BMPR1A: variants seen among roughly 807,000 people sequenced by gnomAD.
The protein encoded by BMPR1A is bone morphogenetic protein receptor type-1A.
In BMPR1A, 7 loss-of-function variants were observed where a neutral mutation model predicts 66.0. The observed-to-expected ratio is 0.11, with a 90% CI of 0.06 to 0.20. The LOEUF is 0.20. Ranked by LOEUF, BMPR1A falls within the 10% of genes least tolerant of loss-of-function variation. The pLI is 1.00. For missense variants in BMPR1A, 408 were observed against 669.1 expected, an observed-to-expected ratio of 0.61 and a Z score of 4.31; for synonymous variants, 200 against 229.7, an observed-to-expected ratio of 0.87 and a Z score of 1.17.
rs1342637102 is a variant in BMPR1A, at chr10:86,925,747, G to A, written c.*2028G>A. On this transcript the variant is annotated 3_prime_UTR_variant, in exon 13 of 13. Transcript: ENST00000372037. Reference sequence around the variant, plus strand: ...TTTTTTTTTTTTTTTTTGAGACGGAGTCTCGCTCTGTCGCCCAGGCTGGAC... The same window carrying A: ...TTTTTTTTTTTTTTTTTGAGACGGAATCTCGCTCTGTCGCCCAGGCTGGAC... The A allele has an allele frequency of 1.7e-5, 1 of 59,564 alleles. No individual in the cohort carries two copies. Among genetic ancestry groups the A allele is most frequent in the African/African-American group, 1.1e-4 (1 of 9,284 alleles). The allele number at this position is 59,564 out of a possible 1,614,324, so 3.7% of individuals were successfully genotyped here. A position where few individuals can be genotyped will look rare whatever the true frequency, so the allele number is the denominator to read the frequency against.
At chr10:86,801,373 TC>T (rs1317115871) in intron 1 of BMPR1A, among the ~76,000 whole-genome samples, 1 of 152,098 alleles carries the variant, frequency 6.6e-6, no homozygotes, top group Non-Finnish European at 1.5e-5. Flanking sequence ...CTGGGCCCAC[TC>T]AAGCCATCCA....
At chr10:86,882,705 C>G (rs1410465099) in intron 3 of BMPR1A, among the ~76,000 whole-genome samples, 2 of 150,036 alleles carry the variant, frequency 1.3e-5, no homozygotes, top group Non-Finnish European at 3.0e-5. Context: ...CATGTCATGT[C>G]TATAATCCCA....
chr10:86,787,319 A>T (rs558859443), intron 1 of BMPR1A, among the ~76,000 whole-genome samples: 20 of 152,348 alleles, frequency 1.3e-4, no homozygotes, highest in South Asian at 1.2e-3. Context: ...AAATAAGTAA[A>T]ATTTACATAG....
Position 86,877,690 on chromosome 10 carries a change from T to G in BMPR1A, c.67+1605T>G, listed in dbSNP as rs1322561074. 3.3e-5 allele frequency among the ~76,000 whole-genome samples: 5 copies of G among 152,324 alleles called. No individual in the cohort carries two copies. In the East Asian group the frequency reaches 9.6e-4, roughly 29 times the overall value. ...ACACCAAATTATTTAGTACAATACC[T>G]TTACTTCAATATCTGTTACATGCCT... On this transcript the variant is annotated intron_variant, in intron 3 of 12. Coordinates refer to ENST00000372037, the MANE Select transcript of BMPR1A (RefSeq NM_004329.3).
chr10:86,783,453 A>C (rs1416912725), intron 1 of BMPR1A, among the ~76,000 whole-genome samples: 1 of 152,220 alleles, frequency 6.6e-6, no homozygotes, highest in African/African-American at 2.4e-5. Flanking sequence ...ACATTTTAAC[A>C]ATATAAGGTC....
rs1284974613 is a variant in BMPR1A at position 86,781,864 on chromosome 10, T to TC, written c.-268+24945_-268+24946insC. Reference sequence around the variant, plus strand: ...TAGCATATGACAGGATTTCTTTTTTTTTTTTTTTTTTTTTTTGAGATGGAG... The same window carrying TC: ...TAGCATATGACAGGATTTCTTTTTTTCTTTTTTTTTTTTTTTTGAGATGGAG... On this transcript the variant is annotated intron_variant, in intron 1 of 12. Transcript: ENST00000372037. Among the ~76,000 whole-genome samples, 5 of 139,146 alleles carry TC rather than the reference T, an allele frequency of 3.6e-5. No homozygotes were observed. The Admixed American group carries it at 3.6e-4, about 10-fold the overall frequency. The allele number at this position is 139,146 out of a possible 152,430, so 91.3% of individuals were successfully genotyped here.
chr10:86,926,753 G>T lies in BMPR1A; in HGVS notation c.*3034G>T, dbSNP rs1843752774. 1 of 185,234 alleles carries T rather than the reference G, an allele frequency of 5.4e-6. No homozygotes were observed. Among genetic ancestry groups the T allele is most frequent in the Admixed American group, 6.2e-5 (1 of 16,044 alleles). The allele number at this position is 185,234 out of a possible 1,614,324, so 11.5% of individuals were successfully genotyped here. A position where few individuals can be genotyped will look rare whatever the true frequency, so the allele number is the denominator to read the frequency against. ...CAATTTAGTGTTTTTGAAGTGTGTAGCTTCATTCAGATAGCTCTTTAAATA... is the reference window on the plus strand; with the variant it reads ...CAATTTAGTGTTTTTGAAGTGTGTATCTTCATTCAGATAGCTCTTTAAATA... On this transcript the variant is annotated 3_prime_UTR_variant, in exon 13 of 13. Coordinates refer to ENST00000372037, the MANE Select transcript of BMPR1A (RefSeq NM_004329.3).
chr10:86,895,878 G>A (rs530524946), intron 5 of BMPR1A, among the ~76,000 whole-genome samples: 1 of 152,218 alleles, frequency 6.6e-6, no homozygotes, highest in Non-Finnish European at 1.5e-5. Context: ...AATTAGCTGG[G>A]CCTGGTGGCT....
rs572313838 is a variant in BMPR1A, at chr10:86,894,991, A to G, written c.333+2762A>G. Among the ~76,000 whole-genome samples, 8 of 152,262 alleles carry G rather than the reference A, an allele frequency of 5.3e-5. No homozygotes were observed. In the East Asian group the frequency reaches 1.2e-3, roughly 22 times the overall value. On this transcript the variant is annotated intron_variant, in intron 5 of 12. Transcript: ENST00000372037. ...TCAAGCAGTTCTCTTTCCCTTAGTC[A>G]CTTTTCATAGTCAACCCCTCCTAGT...
intron 2 of BMPR1A, among the ~76,000 whole-genome samples, chr10:86,858,464 G>T (rs765693969): frequency 8.5e-5 from 13 of 152,156 alleles, no homozygotes; most frequent in Non-Finnish European, 1.9e-4. Context: ...GAGCAATTAG[G>T]CAAGAGAAGG....
In BMPR1A at chr10:86,927,344, A is replaced by T. The variant is rs1019500418; in HGVS notation, c.*3625A>T. On this transcript the variant is annotated 3_prime_UTR_variant, in exon 13 of 13. Transcript: ENST00000372037. Reference sequence around the variant, plus strand: ...CATTTCAACAGCAGAAATGATTTTTATTTTAACAAAAGATTATGATAGCCC... The same window carrying T: ...CATTTCAACAGCAGAAATGATTTTTTTTTTAACAAAAGATTATGATAGCCC... 1.0e-5 allele frequency: 2 copies of T among 192,932 alleles called. No homozygotes were observed. Among genetic ancestry groups the T allele is most frequent in the East Asian group, 1.6e-4 (2 of 12,176 alleles). 12.0% of individuals were successfully genotyped at this position (192,932 alleles called of 1,614,324 possible). A position where few individuals can be genotyped will look rare whatever the true frequency, so the allele number is the denominator to read the frequency against.
At chr10:86,765,350 G>C (rs1349902017) in intron 1 of BMPR1A, among the ~76,000 whole-genome samples, 1 of 151,912 alleles carries the variant, frequency 6.6e-6, no homozygotes, top group African/African-American at 2.4e-5. Flanking sequence ...GCCGGGTGTG[G>C]TGGCACGCCT....
chr10:86,901,464 G>A (rs1333963520), intron 7 of BMPR1A, among the ~76,000 whole-genome samples: 4 of 152,188 alleles, frequency 2.6e-5, no homozygotes, highest in South Asian at 2.1e-4. Flanking sequence ...GGCCAGTTCC[G>A]AAGTTCTTGG....
intron 3 of BMPR1A, chr10:86,889,627 G>C (rs1430307460): frequency 1.1e-5 from 2 of 182,294 alleles, no homozygotes; most frequent in Non-Finnish European, 1.2e-5. Context: ...CCAGGGCGAG[G>C]CTTATTCATT....
chr10:86,849,037 G>A (rs1158449926), intron 2 of BMPR1A, among the ~76,000 whole-genome samples: 1 of 152,142 alleles, frequency 6.6e-6, no homozygotes, highest in Non-Finnish European at 1.5e-5. Flanking sequence ...CTTCAAGAGT[G>A]ATTTTTCTAA....
At chr10:86,919,691 G>GTTTGTTT (rs561296240) in intron 10 of BMPR1A, among the ~76,000 whole-genome samples, 5 of 138,352 alleles carry the variant, frequency 3.6e-5, no homozygotes, top group East Asian at 4.2e-4. Context: ...GTTTTTTTTT[G>GTTTGTTT]TTTGTTTTTT....
Position 86,875,946 on chromosome 10 carries a change from G to C in BMPR1A, c.-73G>C. ...TACAAGAAAATCTCACTGAATGATA[G>C]TCATTTAAATTGGTGAAGTAGCAAG... is the stretch of plus-strand genomic sequence containing the variant. On this transcript the variant is annotated 5_prime_UTR_variant, in exon 3 of 13. Transcript: ENST00000372037. 11 of 1,237,680 alleles carry C rather than the reference G, an allele frequency of 8.9e-6. No individual in the cohort carries two copies. Among genetic ancestry groups the C allele is most frequent in the Non-Finnish European group, 1.3e-5 (11 of 841,736 alleles). 76.7% of individuals were successfully genotyped at this position (1,237,680 alleles called of 1,614,324 possible).
downstream of BMPR1A, chr10:86,928,680 A>C (rs1843780131): frequency 1.3e-5 from 2 of 151,580 alleles, no homozygotes. Flanking sequence ...TTTTTGAGAG[A>C]GTCTTGCTCT....
intron 1 of BMPR1A, among the ~76,000 whole-genome samples, chr10:86,758,471 G>T (rs942231960): frequency 6.7e-6 from 1 of 149,662 alleles, no homozygotes; most frequent in Non-Finnish European, 1.5e-5. Flanking sequence ...TTTCTCTGTC[G>T]TATTTGGGTT....
Sources: allele counts gnomAD v4.1 joint callset (sites outside exome capture counted in the v4.1 genomes callset), GRCh38; gene constraint gnomAD v4.1.1; transcripts MANE v1.5; gene names NCBI Gene and HGNC (gene_info 2026-07-23, HGNC 2026-07-21).